DAB1: variants seen among roughly 807,000 people sequenced by gnomAD.
The protein encoded by DAB1 is disabled homolog 1.
Under a neutral mutation model 64.6 loss-of-function variants are expected in DAB1, and 15 were observed. That is an observed-to-expected ratio of 0.23 (90% confidence interval 0.16 to 0.36). The LOEUF (loss-of-function observed/expected upper bound fraction) is 0.36, where lower values mean the gene tolerates loss of function less well. Among genes scored for constraint, DAB1 ranks in the 10% least tolerant of loss-of-function variants. DAB1 has a pLI of 1.00. For missense variants in DAB1, 596 were observed against 706.7 expected (o/e 0.84, Z 1.78); for synonymous variants, 235 against 251.9 (o/e 0.93, Z 0.64).
intron 1 of DAB1, among the ~76,000 whole-genome samples, chr1:57,319,585 G>A (rs1182051026): frequency 6.6e-6 from 1 of 151,986 alleles, no homozygotes; most frequent in East Asian, 1.9e-4. Context: ...AAGGCAATGA[G>A]CTCTCACATT....
At chr1:57,780,948 G>C (rs918183920) in intron 6 of DAB1, among the ~76,000 whole-genome samples, 1 of 151,140 alleles carries the variant, frequency 6.6e-6, no homozygotes, top group Non-Finnish European at 1.5e-5. Flanking sequence ...GGCTAGTCTT[G>C]AACTCCTGAC....
Position 57,746,540 on chromosome 1 carries a change from A to G in DAB1, n.552-96875T>C, listed in dbSNP as rs561061479. ...TACATTTCCTTTACCCATTTTTTAAATATAGTTCTCCCTTGGTGTCTGCAG... is the reference window on the plus strand; with the variant it reads ...TACATTTCCTTTACCCATTTTTTAAGTATAGTTCTCCCTTGGTGTCTGCAG... On this transcript the variant is annotated intron_variant and non_coding_transcript_variant, in intron 6 of 20. Transcript: ENST00000485760. 2.0e-5 allele frequency among the ~76,000 whole-genome samples: 3 copies of G among 152,232 alleles called. No homozygotes were observed. In the East Asian group the frequency reaches 5.8e-4, roughly 29 times the overall value.
chr1:58,018,447 A>C (rs909479096), intron 5 of DAB1, among the ~76,000 whole-genome samples: 1 of 152,048 alleles, frequency 6.6e-6, no homozygotes, highest in Non-Finnish European at 1.5e-5. Context: ...CTCCCTCTCC[A>C]TGCTGTATGT....
chr1:57,564,502 C>G (rs1158277440), intron 7 of DAB1, among the ~76,000 whole-genome samples: 2 of 152,114 alleles, frequency 1.3e-5, no homozygotes, highest in South Asian at 4.1e-4. Context: ...AGGAGGAAGT[C>G]TGAACCCATC....
intron 7 of DAB1, among the ~76,000 whole-genome samples, chr1:57,451,325 T>G (rs2101154237): frequency 6.6e-6 from 1 of 152,332 alleles, no homozygotes; most frequent in South Asian, 2.1e-4. Context: ...GATTTGAACT[T>G]AAGTTTCTAA....
At chr1:57,681,506 T>A (rs906592111) in intron 6 of DAB1, among the ~76,000 whole-genome samples, 2 of 152,150 alleles carry the variant, frequency 1.3e-5, no homozygotes, top group African/African-American at 4.8e-5. Context: ...TTAGGAAAAG[T>A]GAATGGAGTA....
chr1:58,522,323 T>G (rs1016742837), intron 2 of DAB1, among the ~76,000 whole-genome samples: 1 of 152,078 alleles, frequency 6.6e-6, no homozygotes, highest in African/African-American at 2.4e-5. Context: ...AACTTTAAAG[T>G]TGAAGAAAAA....
chr1:58,338,020 G>GA (rs958129667), intron 4 of DAB1, among the ~76,000 whole-genome samples: 15 of 147,084 alleles, frequency 1.0e-4, no homozygotes, highest in South Asian at 2.2e-4. Flanking sequence ...GCTTAGCCAA[G>GA]AAAAAAAAAA....
intron 4 of DAB1, among the ~76,000 whole-genome samples, chr1:58,201,065 G>C (rs1283973525): frequency 6.6e-6 from 1 of 150,882 alleles, no homozygotes; most frequent in Non-Finnish European, 1.5e-5. Flanking sequence ...CGCCCAGGCT[G>C]GGGTGCAGTG....
intron 6 of DAB1, among the ~76,000 whole-genome samples, chr1:57,697,422 TAAAAAAAAAAA>T (rs56655539): frequency 0.024 from 1,405 of 57,966 alleles, 39 homozygotes; most frequent in African/African-American, 0.089. Context: ...CTCACGTTTC[TAAAAAAAAAAA>T]AAAAAAAAAA....
At chr1:57,318,961 T>G (rs1035311227) in intron 1 of DAB1, among the ~76,000 whole-genome samples, 1 of 152,174 alleles carries the variant, frequency 6.6e-6, no homozygotes, top group Non-Finnish European at 1.5e-5. Flanking sequence ...ACAGCCTCCA[T>G]GTCCACCTGT....
chr1:58,531,725 T>G (rs374415760), intron 1 of DAB1, among the ~76,000 whole-genome samples: 12 of 148,706 alleles, frequency 8.1e-5, no homozygotes, highest in African/African-American at 3.0e-4. Context: ...TCTTTTTTTT[T>G]TTGAGACAGA....
chr1:57,439,365 G>A (rs915821056), intron 7 of DAB1, among the ~76,000 whole-genome samples: 10 of 146,926 alleles, frequency 6.8e-5, no homozygotes, highest in African/African-American at 2.0e-4. Context: ...GCCAGCATTA[G>A]TTGCAGTTTT....
intron 4 of DAB1, among the ~76,000 whole-genome samples, chr1:57,080,320 G>T (rs1009329780): frequency 2.0e-5 from 3 of 152,136 alleles, no homozygotes; most frequent in Admixed American, 6.5e-5. Flanking sequence ...GCAGGATCCT[G>T]TGTCCAGGTC....
chr1:57,828,014 C>T (rs1017671678), intron 1 of DAB1, among the ~76,000 whole-genome samples: 6 of 152,126 alleles, frequency 3.9e-5, no homozygotes, highest in Non-Finnish European at 8.8e-5. Context: ...GGTGCGATCT[C>T]GGCTCACTGC....
At chr1:57,571,919 T>TG (rs1036565303) in intron 7 of DAB1, among the ~76,000 whole-genome samples, 40 of 152,166 alleles carry the variant, frequency 2.6e-4, no homozygotes, top group Non-Finnish European at 4.4e-5. Flanking sequence ...CTCATCCTCA[T>TG]GGGGTGATCT....
At chr1:57,800,085 T>C (rs964811310) in intron 6 of DAB1, among the ~76,000 whole-genome samples, 2 of 152,206 alleles carry the variant, frequency 1.3e-5, no homozygotes, top group Admixed American at 6.5e-5. Context: ...TGTATAATTA[T>C]GTTAATACTC....
chr1:58,505,423 A>T (rs1186471172), intron 3 of DAB1, among the ~76,000 whole-genome samples: 2 of 152,198 alleles, frequency 1.3e-5, no homozygotes, highest in East Asian at 3.9e-4. Flanking sequence ...CCTGATATGG[A>T]AACCATAAAA....
chr1:57,411,577 C>T (rs1172185148), intron 1 of DAB1, among the ~76,000 whole-genome samples: 1 of 152,250 alleles, frequency 6.6e-6, no homozygotes, highest in Non-Finnish European at 1.5e-5. Context: ...GAACTGTACC[C>T]TCCTTTGCAG....
Sources: gnomAD v4.1 joint callset for allele counts (sites outside exome capture counted in the v4.1 genomes callset) on GRCh38, gnomAD v4.1.1 for gene constraint, MANE v1.5 for transcripts, NCBI Gene and HGNC (gene_info 2026-07-23, HGNC 2026-07-21) for gene names.